Variants in CCDC178 observed in about 807,000 individuals in gnomAD.
CCDC178 encodes the protein coiled-coil domain-containing protein 178.
CCDC178 carries 126 observed loss-of-function variants against 117.4 expected under a neutral mutation model. That is an observed-to-expected ratio of 1.07 (90% CI 0.93 to 1.24). The LOEUF is 1.24. Among genes scored for constraint, CCDC178 ranks in the 50% most tolerant of loss-of-function variants. The pLI is 0.00. For synonymous variants in CCDC178, 283 were observed against 313.4 expected (o/e 0.90, Z 1.02); for missense variants, 1,030 against 986.9 (o/e 1.04, Z -0.59).
At chr18:33,069,110 C>T (rs2057067900) in intron 21 of CCDC178, among the ~76,000 whole-genome samples, 1 of 151,910 alleles carries the variant, frequency 6.6e-6, no homozygotes, top group Non-Finnish European at 1.5e-5. Flanking sequence ...ACTATACTGC[C>T]CAAAGCAATC....
At chr18:33,234,508 AT>A (rs1363009013) in intron 15 of CCDC178, among the ~76,000 whole-genome samples, 1 of 152,164 alleles carries the variant, frequency 6.6e-6, no homozygotes, top group East Asian at 1.9e-4. Context: ...TTCAGCATAA[AT>A]AACTGAGCTT....
chr18:33,065,369 A>G (rs950258933), intron 21 of CCDC178, among the ~76,000 whole-genome samples: 1 of 152,236 alleles, frequency 6.6e-6, no homozygotes, highest in South Asian at 2.1e-4. Context: ...GTGTACAATT[A>G]CAATGTGTCA....
chr18:33,255,689 GA>G (rs1468679573), intron 14 of CCDC178, among the ~76,000 whole-genome samples: 2 of 151,926 alleles, frequency 1.3e-5, no homozygotes, highest in African/African-American at 2.4e-5. Context: ...AATGTCAAGT[GA>G]GATTAAAGAG....
intron 3 of CCDC178, among the ~76,000 whole-genome samples, chr18:33,399,255 C>A (rs763606260): frequency 2.7e-4 from 41 of 151,634 alleles, no homozygotes; most frequent in Non-Finnish European, 4.6e-4. Context: ...ATAATCTTTT[C>A]ACTGATGGAG....
In CCDC178 at chr18:33,142,969, T is replaced by G. The variant is rs2058225541; in HGVS notation, c.2239-50059A>C. On this transcript the variant is annotated intron_variant, in intron 20 of 22. Coordinates refer to ENST00000383096, the MANE Select transcript of CCDC178 (RefSeq NM_001105528.4). ...TTTTTTTAACAAAAGCATAATATAT[T>G]TATCATGTAAAATCTAATGAATAAG... 3.3e-5 allele frequency among the ~76,000 whole-genome samples: 5 copies of G among 152,248 alleles called. No individual in the cohort carries two copies. The South Asian group carries it at 1.0e-3, about 32-fold the overall frequency.
rs746505005 is a variant in CCDC178, at chr18:33,091,324, C to CTTTTTTTTTTTTTTTTTTTTTTTTTTTTT, written c.2388+1408_2388+1436dup. On this transcript the variant is annotated intron_variant, in intron 21 of 22. Transcript: ENST00000383096. ...CTTTCCCAAACACACTTATTTCATT[C>CTTTTTTTTTTTTTTTTTTTTTTTTTTTTT]TTTTTTTTTTTTTTTTTTTTTTTTT... Among the ~76,000 whole-genome samples the CTTTTTTTTTTTTTTTTTTTTTTTTTTTTT allele has an allele frequency of 1.1e-4, 5 of 43,898 alleles. 2 individuals carry two copies. Among genetic ancestry groups the CTTTTTTTTTTTTTTTTTTTTTTTTTTTTT allele is most frequent in the Non-Finnish European group, 1.6e-4 (4 of 24,582 alleles). The allele number at this position is 43,898 out of a possible 152,430, so 28.8% of individuals were successfully genotyped here. A position where few individuals can be genotyped will look rare whatever the true frequency, so the allele number is the denominator to read the frequency against.
rs2062878020 is a variant in CCDC178, at chr18:33,345,390, T to C, written c.658+821A>G. On this transcript the variant is annotated intron_variant, in intron 9 of 22. Transcript: ENST00000383096. ...ACCATAGGTCCCTCACTCTGTGAGC[T>C]AAAAGAATTTCCTTTTTTACCTTTC... is the stretch of plus-strand genomic sequence containing the variant. 2.0e-5 allele frequency among the ~76,000 whole-genome samples: 3 copies of C among 152,190 alleles called. No homozygotes were observed. In the South Asian group the frequency reaches 6.2e-4, roughly 31 times the overall value.
chr18:33,331,431 G>A (rs2062667179), intron 10 of CCDC178, among the ~76,000 whole-genome samples: 1 of 151,980 alleles, frequency 6.6e-6, no homozygotes, highest in African/African-American at 2.4e-5. Context: ...GGAAGTTAGA[G>A]CTGCAGCTAT....
At chr18:33,024,228 C>CAA (rs1268628743) in intron 21 of CCDC178, among the ~76,000 whole-genome samples, 2 of 152,210 alleles carry the variant, frequency 1.3e-5, no homozygotes, top group Non-Finnish European at 2.9e-5. Flanking sequence ...GATACCATAA[C>CAA]AAAACATCAC....
At chr18:33,117,875 T>C (rs1204202012) in intron 20 of CCDC178, among the ~76,000 whole-genome samples, 1 of 152,068 alleles carries the variant, frequency 6.6e-6, no homozygotes, top group Non-Finnish European at 1.5e-5. Context: ...TGGGGTATTG[T>C]AGTTTTCCAT....
rs2057003095 is a variant in CCDC178 at position 33,065,800 on chromosome 18, A to G, written c.2388+26961T>C. Among the ~76,000 whole-genome samples the G allele has an allele frequency of 2.6e-5, 4 of 152,254 alleles. No individual in the cohort carries two copies. In the South Asian group the frequency reaches 8.3e-4, roughly 32 times the overall value. On this transcript the variant is annotated intron_variant, in intron 21 of 22. Coordinates refer to ENST00000383096, the MANE Select transcript of CCDC178 (RefSeq NM_001105528.4). ...TGGGATGATAGATTCAAAGTACTGA[A>G]AACAGCAACAAGAGCAACAATCTGG...
rs1466275916 is a variant in CCDC178 at position 33,127,039 on chromosome 18, CAT to C, written c.2239-34131_2239-34130del. On this transcript the variant is annotated intron_variant, in intron 20 of 22. Transcript: ENST00000383096. The stretch of plus-strand genomic sequence containing the variant: ...ATACACACACACACACACACACACA[CAT>C]GGATCTTTGCAATTCAAACCTGTGT... 1.0e-2 allele frequency among the ~76,000 whole-genome samples: 1,470 copies of C among 147,006 alleles called. 26 individuals are homozygous for C. The highest frequency in any genetic ancestry group is 0.033 in the African/African-American group (1,294 of 39,174).
intron 9 of CCDC178, among the ~76,000 whole-genome samples, chr18:33,342,538 T>C (rs1254814208): frequency 6.6e-6 from 1 of 152,154 alleles, no homozygotes; most frequent in Admixed American, 6.6e-5. Context: ...GGTATGCCAG[T>C]TCCAAGCTGA....
chr18:33,105,552 G>C (rs562477186), intron 20 of CCDC178, among the ~76,000 whole-genome samples: 5 of 151,696 alleles, frequency 3.3e-5, no homozygotes, highest in Admixed American at 3.3e-4. Flanking sequence ...TCTTAAATGA[G>C]AGGACTTTTC....
intron 22 of CCDC178, among the ~76,000 whole-genome samples, chr18:32,949,846 T>C (rs1225350572): frequency 6.6e-6 from 1 of 152,148 alleles, no homozygotes; most frequent in African/African-American, 2.4e-5. Context: ...ATATATAGTT[T>C]TCAGATTTGT....
intron 22 of CCDC178, chr18:32,954,534 C>T (rs1295765176): frequency 6.6e-6 from 1 of 152,016 alleles, no homozygotes; most frequent in Non-Finnish European, 1.5e-5. Flanking sequence ...GAAATAAATT[C>T]AAGCTGTTAC....
chr18:33,042,786 G>A (rs1048542186), intron 21 of CCDC178, among the ~76,000 whole-genome samples: 2 of 151,874 alleles, frequency 1.3e-5, no homozygotes, highest in African/African-American at 4.8e-5. Flanking sequence ...ACTAATTTTT[G>A]AATCAAGGTG....
intron 20 of CCDC178, among the ~76,000 whole-genome samples, chr18:33,111,447 A>G (rs1348053731): frequency 6.6e-6 from 1 of 151,670 alleles, no homozygotes; most frequent in Non-Finnish European, 1.5e-5. Context: ...TGTAATATCA[A>G]TTGAGATTAT....
At chr18:33,245,577 G>A (rs1277138067) in intron 14 of CCDC178, 149 bp from the exon 15 acceptor site, 6 of 845,120 alleles carry the variant, frequency 7.1e-6, no homozygotes, top group Non-Finnish European at 9.7e-6. Flanking sequence ...CAGAACATGT[G>A]TCCTAGGACT....
Sources: gnomAD v4.1 joint callset for allele counts (sites outside exome capture counted in the v4.1 genomes callset) on GRCh38, gnomAD v4.1.1 for gene constraint, MANE v1.5 for transcripts, NCBI Gene and HGNC (gene_info 2026-07-23, HGNC 2026-07-21) for gene names.